The following MYH15 variants were observed in gnomAD, a reference collection of about 807,000 sequenced individuals.
MYH15 encodes myosin heavy chain 15, also known as myosin-15.
Under a neutral mutation model 240.5 loss-of-function variants are expected in MYH15, and 227 were observed. That is an observed-to-expected ratio of 0.94 (90% CI 0.85 to 1.05). The LOEUF is 1.05. MYH15 is among the 50% of genes least tolerant of loss of function. The probability of loss-of-function intolerance (pLI) is 0.00; values close to 1 mark genes in which losing one functional copy is unlikely to be tolerated. For missense variants in MYH15, 2,217 were observed against 2,247.5 expected, an observed-to-expected ratio of 0.99 and a Z score of 0.27; for synonymous variants, 785 against 796.7, an observed-to-expected ratio of 0.99 and a Z score of 0.25.
chr3:108,441,845 T>G (rs957483974), intron 22 of MYH15, among the ~76,000 whole-genome samples: 2 of 152,204 alleles, frequency 1.3e-5, no homozygotes, highest in Non-Finnish European at 2.9e-5. Flanking sequence ...ACTAAAATTT[T>G]TGCCTCAATG....
intron 1 of MYH15, among the ~76,000 whole-genome samples, chr3:108,515,844 G>T (rs1227452051): frequency 6.6e-6 from 1 of 152,188 alleles, no homozygotes; most frequent in Non-Finnish European, 1.5e-5. Context: ...GGTACCATGG[G>T]GAAGTAAAGA....
intron 16 of MYH15, among the ~76,000 whole-genome samples, chr3:108,462,770 T>C (rs1382432630): frequency 6.6e-6 from 1 of 152,092 alleles, no homozygotes; most frequent in Non-Finnish European, 1.5e-5. Flanking sequence ...TTTGGGGCAA[T>C]AACTATAATT....
chr3:108,382,139 A>C (rs1272956122), intron 40 of MYH15, among the ~76,000 whole-genome samples: 2 of 152,162 alleles, frequency 1.3e-5, no homozygotes, highest in African/African-American at 2.4e-5. Context: ...GCACATGGGA[A>C]GCACCTCCCT....
At position 108,499,518 on chromosome 3, in the gene MYH15, A is replaced by G. The variant is rs760728768; in HGVS notation, c.497-36T>C. ...AAGAAAAATGCCAGAATATTCTTAT[A>G]TTCGATATTTATGTATTAGTATGAA... On this transcript the variant is annotated intron_variant, in intron 4 of 40. Coordinates refer to ENST00000693548, the MANE Select transcript of MYH15 (RefSeq NM_014981.3). 2.5e-6 allele frequency: 4 copies of G among 1,597,706 alleles called. No homozygotes were observed. In the African/African-American group the frequency reaches 5.4e-5, roughly 21 times the overall value.
intron 19 of MYH15, among the ~76,000 whole-genome samples, chr3:108,456,391 C>G (rs1239248048): frequency 1.3e-5 from 2 of 152,140 alleles, no homozygotes; most frequent in Non-Finnish European, 2.9e-5. Context: ...TGCCATACAC[C>G]CTGCTGGCTT....
At chr3:108,469,982 A>T in intron 14 of MYH15, 60 bp downstream of exon 14, 2 of 1,530,070 alleles carry the variant, frequency 1.3e-6, no homozygotes, top group Non-Finnish European at 1.8e-6. Context: ...ATGGATCAAC[A>T]TAGCAGGCAG....
chr3:108,461,627 T>C (rs2083072672), intron 16 of MYH15: 2 of 152,076 alleles, frequency 1.3e-5, no homozygotes, highest in Non-Finnish European at 2.9e-5. Context: ...ATTACTCAAA[T>C]GGGAGTCATA....
rs2083085201 is a variant in MYH15 at position 108,463,149 on chromosome 3, A to G, written c.1826T>C (p.Leu609Pro). The change falls in exon 16 of 41, where the codon CTG becomes CCG. Residue 609 changes from leucine (L) to proline (P), a missense_variant. Physicochemically the swap from Leu to Pro is moderately conservative, Grantham distance 98. Transcript: ENST00000693548. ...CATGTAATTTTCAAAAAGGCTCGCC[A>G]GGAGTCTGTTGGAAGACTTCTGAAA... ...AVFQKSSNRL[L>P]ASLFENYMST... The G allele has an allele frequency of 6.2e-7, 1 of 1,612,440 alleles. No individual in the cohort carries two copies. Among genetic ancestry groups the G allele is most frequent in the Non-Finnish European group, 8.5e-7 (1 of 1,179,484 alleles).
At chr3:108,542,870 T>C in the MYH15 span, among the ~76,000 whole-genome samples, 2 of 150,454 alleles carry the variant, frequency 1.3e-5, no homozygotes, top group Non-Finnish European at 3.0e-5. Context: ...GCAAATGACA[T>C]GATCTCGTTC....
In MYH15 at chr3:108,497,970, C is replaced by T; in HGVS notation, c.618+82G>A. Reference sequence around the variant, plus strand: ...CCTGTGGTGCTTGTGGCCTCACTTCCCAAAAGTGGTCCGGACACAACCTCC... The same window carrying T: ...CCTGTGGTGCTTGTGGCCTCACTTCTCAAAAGTGGTCCGGACACAACCTCC... On this transcript the variant is annotated intron_variant, in intron 6 of 40. Transcript: ENST00000693548. 11 of 1,231,130 alleles carry T rather than the reference C, an allele frequency of 8.9e-6. No homozygotes were observed. In the South Asian group the frequency reaches 1.4e-4, roughly 16 times the overall value. 76.3% of individuals were successfully genotyped at this position (1,231,130 alleles called of 1,614,324 possible). A position where few individuals can be genotyped will look rare whatever the true frequency, so the allele number is the denominator to read the frequency against.
chr3:108,420,026 G>A (rs888285136), intron 28 of MYH15, among the ~76,000 whole-genome samples: 4 of 151,920 alleles, frequency 2.6e-5, no homozygotes, highest in African/African-American at 9.7e-5. Flanking sequence ...TGAATTAGAA[G>A]CAGTCATTAT....
At chr3:108,536,264 CA>C in the MYH15 span, among the ~76,000 whole-genome samples, 9 of 149,620 alleles carry the variant, frequency 6.0e-5, no homozygotes, top group African/African-American at 2.0e-4. Flanking sequence ...GACTTTACCT[CA>C]AAAAAACAAA....
intron 21 of MYH15, among the ~76,000 whole-genome samples, chr3:108,446,589 C>A (rs550988291): frequency 6.7e-6 from 1 of 148,572 alleles, no homozygotes; most frequent in East Asian, 2.0e-4. Flanking sequence ...GCACCAGTAA[C>A]CATCCCTAAA....
chr3:108,476,120 T>C (rs1303825406), intron 12 of MYH15, among the ~76,000 whole-genome samples: 1 of 152,206 alleles, frequency 6.6e-6, no homozygotes, highest in Non-Finnish European at 1.5e-5. Context: ...ATGACAAAGA[T>C]GTTGATCACA....
intron 9 of MYH15, among the ~76,000 whole-genome samples, chr3:108,486,744 C>T (rs1488048025): frequency 6.6e-6 from 1 of 151,650 alleles, no homozygotes; most frequent in Non-Finnish European, 1.5e-5. Context: ...GACAGGCTGG[C>T]AAATTCAAAA....
chr3:108,437,478 G>T, intron 25 of MYH15, 76 bp downstream of exon 25: 1 of 1,532,516 alleles, frequency 6.5e-7, no homozygotes, highest in South Asian at 1.3e-5. Context: ...GAGTCCTAAG[G>T]ATAAATGAAA....
chr3:108,474,322 A>G (rs1375099750), intron 12 of MYH15, among the ~76,000 whole-genome samples: 1 of 151,884 alleles, frequency 6.6e-6, no homozygotes, highest in Non-Finnish European at 1.5e-5. Context: ...TTGAATAATA[A>G]TATATTAGCT....
chr3:108,510,211 G>A (rs2083511188), intron 1 of MYH15, among the ~76,000 whole-genome samples: 1 of 152,138 alleles, frequency 6.6e-6, no homozygotes, highest in Non-Finnish European at 1.5e-5. Context: ...GATCAAGTGT[G>A]TAGGGCCCGG....
Position 108,460,374 on chromosome 3 carries a change from A to AG in MYH15, c.1865-8_1865-7insC. The AG allele has an allele frequency of 4.0e-6, 2 of 501,932 alleles. No homozygotes were observed. Among genetic ancestry groups the AG allele is most frequent in the Non-Finnish European group, 4.9e-6 (2 of 406,910 alleles). 31.1% of individuals were successfully genotyped at this position (501,932 alleles called of 1,614,324 possible). A position where few individuals can be genotyped will look rare whatever the true frequency, so the allele number is the denominator to read the frequency against. On this transcript the variant is annotated splice_polypyrimidine_tract_variant and splice_region_variant and intron_variant, in intron 16 of 40. Transcript: ENST00000693548. The stretch of plus-strand genomic sequence containing the variant: ...TTCTCCCCAAATGGTATAGCTAGCA[A>AG]AAAAAAAAAAAGAAAAAGATGAAAA...
Sources: allele counts gnomAD v4.1 joint callset (sites outside exome capture counted in the v4.1 genomes callset), GRCh38; gene constraint gnomAD v4.1.1; transcripts MANE v1.5; gene names NCBI Gene and HGNC (gene_info 2026-07-23, HGNC 2026-07-21).